FAR2: variants seen among roughly 807,000 people sequenced by gnomAD.
The protein encoded by FAR2 is epididymis secretory protein Li 81.
A neutral mutation model predicts 56.0 loss-of-function variants in FAR2; 19 were observed. The ratio of observed to expected loss-of-function variants is 0.34; its 90% CI spans 0.24 to 0.50. FAR2 has a LOEUF of 0.50. Ranked by LOEUF, FAR2 falls within the 20% of genes least tolerant of loss-of-function variation. The probability of loss-of-function intolerance (pLI) is 0.98; values close to 1 mark genes in which losing one functional copy is unlikely to be tolerated. For synonymous variants in FAR2, 219 were observed against 218.8 expected, an observed-to-expected ratio of 1.00 and a Z score of -0.01; for missense variants, 508 against 642.2, an observed-to-expected ratio of 0.79 and a Z score of 2.26.
At chr12:29,309,037 T>C in intron 5 of FAR2, 149 bp from the exon 6 acceptor site, 1 of 668,404 alleles carries the variant, frequency 1.5e-6, no homozygotes. Flanking sequence ...CCATTATCTT[T>C]TGAGATCTTA....
chr12:29,156,649 TTTA>T (rs1949729890), intron 1 of FAR2: 1 of 152,206 alleles, frequency 6.6e-6, no homozygotes, highest in Admixed American at 6.5e-5. Flanking sequence ...CCAATCTTTT[TTTA>T]TTATTAATGC....
intron 2 of FAR2, among the ~76,000 whole-genome samples, chr12:29,283,375 T>C (rs1948816817): frequency 6.6e-6 from 1 of 152,166 alleles, no homozygotes; most frequent in Non-Finnish European, 1.5e-5. Flanking sequence ...AAAATTACCC[T>C]TTATAATAGT....
chr12:29,215,958 CTCATGGT>C (rs1417463794), intron 1 of FAR2, among the ~76,000 whole-genome samples: 8 of 152,154 alleles, frequency 5.3e-5, no homozygotes, highest in East Asian at 1.9e-4. Flanking sequence ...CTTCTGCATC[CTCATGGT>C]CAACATAACT....
intron 1 of FAR2, among the ~76,000 whole-genome samples, chr12:29,188,801 A>T: frequency 6.8e-6 from 1 of 147,958 alleles, no homozygotes. Context: ...CATGACCCTG[A>T]CAGTTTTGAA....
At chr12:29,219,303 G>A (rs1005000570) in intron 1 of FAR2, among the ~76,000 whole-genome samples, 2 of 152,092 alleles carry the variant, frequency 1.3e-5, no homozygotes, top group Non-Finnish European at 2.9e-5. Context: ...TGTTCAATAC[G>A]TAAAATAAAA....
intron 2 of FAR2, among the ~76,000 whole-genome samples, chr12:29,278,775 G>C (rs148581469): frequency 8.5e-5 from 13 of 152,294 alleles, no homozygotes; most frequent in African/African-American, 3.1e-4. Context: ...TGCTGGACTT[G>C]ATACTATTAC....
chr12:29,157,124 A>ATATATATG (rs1225855526), intron 1 of FAR2: 1 of 137,772 alleles, frequency 7.3e-6, no homozygotes, highest in East Asian at 2.1e-4. Flanking sequence ...ATATATATAT[A>ATATATATG]TATATATATA....
In FAR2 at chr12:29,307,753, T is replaced by C; in HGVS notation, c.641T>C (p.Val214Ala). The C allele has an allele frequency of 6.2e-7, 1 of 1,613,712 alleles. No individual in the cohort carries two copies. The highest frequency in any genetic ancestry group is 8.5e-7 in the Non-Finnish European group (1 of 1,179,910). Residue 214 changes from valine (V) to alanine (A), a missense_variant, in exon 5 of 12, where the codon GTG (valine) becomes GCG (alanine). Val to Ala is a moderately conservative substitution (Grantham distance 64, BLOSUM62 0). Coordinates refer to ENST00000536681, the MANE Select transcript of FAR2 (RefSeq NM_001271783.2). ...TACACCAAGGCCTTGGGAGAAATGGTGGTGCAGCAAGAGAGCAGGAACCTG... is the reference window on the plus strand; with the variant it reads ...TACACCAAGGCCTTGGGAGAAATGGCGGTGCAGCAAGAGAGCAGGAACCTG... ...YTYTKALGEM[V>A]VQQESRNLNI...
chr12:29,197,007 C>G (rs1340402132), intron 1 of FAR2, among the ~76,000 whole-genome samples: 1 of 152,122 alleles, frequency 6.6e-6, no homozygotes, highest in Admixed American at 6.6e-5. Flanking sequence ...CTCCAGCAGT[C>G]TAGTGCTTCT....
At position 29,251,085 on chromosome 12, in the gene FAR2, A is replaced by G. The variant is rs140749139; in HGVS notation, c.-38-19327A>G. On this transcript the variant is annotated intron_variant, in intron 1 of 11. Coordinates refer to ENST00000536681, the MANE Select transcript of FAR2 (RefSeq NM_001271783.2). ...CTGTGGCATTGGCTAGTTGATTAGG[A>G]TGTTCCTAGAAGTGAAGTGGATAGA... Among the ~76,000 whole-genome samples the G allele has an allele frequency of 1.8e-3, 271 of 152,324 alleles. 5 individuals are homozygous for G. The East Asian group carries it at 0.047, about 26-fold the overall frequency.
At chr12:29,304,549 G>A (rs1345633905) in intron 4 of FAR2, among the ~76,000 whole-genome samples, 1 of 152,168 alleles carries the variant, frequency 6.6e-6, no homozygotes, top group Non-Finnish European at 1.5e-5. Flanking sequence ...AAACTACTAG[G>A]CTTGCCCACT....
chr12:29,260,588 G>T (rs1948400979), intron 1 of FAR2, among the ~76,000 whole-genome samples: 1 of 152,172 alleles, frequency 6.6e-6, no homozygotes, highest in Non-Finnish European at 1.5e-5. Context: ...CAGCTGTGGG[G>T]ACAGACTCCT....
intron 1 of FAR2, among the ~76,000 whole-genome samples, chr12:29,227,681 A>G (rs568220588): frequency 5.1e-4 from 78 of 152,300 alleles, no homozygotes; most frequent in Middle Eastern, 6.8e-3. Flanking sequence ...CAATTTTTCA[A>G]GAATACTGAA....
chr12:29,300,182 C>T (rs1368408349), intron 4 of FAR2, among the ~76,000 whole-genome samples: 1 of 152,204 alleles, frequency 6.6e-6, no homozygotes, highest in Non-Finnish European at 1.5e-5. Flanking sequence ...AATTCTGTAA[C>T]AAGCTGATAT....
intron 10 of FAR2, among the ~76,000 whole-genome samples, chr12:29,322,953 G>C (rs560244306): frequency 8.5e-5 from 13 of 152,310 alleles, no homozygotes; most frequent in African/African-American, 3.1e-4. Flanking sequence ...TGCACCCACT[G>C]TCCGGCACTC....
At chr12:29,213,346 C>T (rs905812897) in intron 1 of FAR2, among the ~76,000 whole-genome samples, 1 of 152,088 alleles carries the variant, frequency 6.6e-6, no homozygotes, top group Non-Finnish European at 1.5e-5. Context: ...AATGAGGGCA[C>T]ATATGAGCAC....
intron 1 of FAR2, among the ~76,000 whole-genome samples, chr12:29,177,818 T>G (rs1254745603): frequency 7.7e-6 from 1 of 129,134 alleles, no homozygotes; most frequent in African/African-American, 2.7e-5. Flanking sequence ...ATTAAATAGC[T>G]ATTGTAGTAT....
At chr12:29,278,338 T>C (rs1045792648) in intron 2 of FAR2, among the ~76,000 whole-genome samples, 11 of 152,160 alleles carry the variant, frequency 7.2e-5, no homozygotes, top group Admixed American at 2.0e-4. Context: ...AGGCAGAGGA[T>C]AGACTTTTTT....
At chr12:29,325,341 T>C (rs1471768546) in intron 10 of FAR2, among the ~76,000 whole-genome samples, 4 of 152,076 alleles carry the variant, frequency 2.6e-5, no homozygotes, top group African/African-American at 9.7e-5. Context: ...GACAGATCAA[T>C]GACACAGAAA....
Sources: gnomAD v4.1 joint callset for allele counts (sites outside exome capture counted in the v4.1 genomes callset) on GRCh38, gnomAD v4.1.1 for gene constraint, MANE v1.5 for transcripts, NCBI Gene and HGNC (gene_info 2026-07-23, HGNC 2026-07-21) for gene names.